The following SYT17 variants were observed in gnomAD, a reference collection of about 807,000 sequenced individuals.
SYT17 encodes the protein synaptotagmin-17.
A neutral mutation model predicts 46.7 loss-of-function variants in SYT17; 22 were observed. The ratio of observed to expected loss-of-function variants is 0.47; its 90% CI spans 0.34 to 0.67. SYT17 has a LOEUF of 0.67. Ranked by LOEUF, SYT17 falls within the 30% of genes least tolerant of loss-of-function variation. The probability of loss-of-function intolerance (pLI) is 0.01; values close to 1 mark genes in which losing one functional copy is unlikely to be tolerated. For missense variants in SYT17, 519 were observed against 612.8 expected (o/e 0.85, Z 1.62); for synonymous variants, 251 against 248.4 (o/e 1.01, Z -0.10).
At chr16:19,221,072 C>T (rs965150366) in intron 5 of SYT17, among the ~76,000 whole-genome samples, 2 of 151,524 alleles carry the variant, frequency 1.3e-5, no homozygotes, top group Non-Finnish European at 1.5e-5. Context: ...TGCCGTAATC[C>T]CAGCTATTCA....
chr16:19,180,453 T>TGACCCCACGGACC lies in SYT17; in HGVS notation c.246_258dup (p.Asn87AspfsTer31), dbSNP rs1490208473. 1 of 1,614,210 alleles carries TGACCCCACGGACC rather than the reference T, an allele frequency of 6.2e-7. No homozygotes were observed. Among genetic ancestry groups the TGACCCCACGGACC allele is most frequent in the South Asian group, 1.1e-5 (1 of 91,086 alleles). ...GTCCACACGGCCAGCGAAGTCCCGC[T>TGACCCCACGGACC]GACCCCACGGACCAATTCCCCGGAT... On this transcript the variant is annotated frameshift_variant, in exon 4 of 8. Transcript: ENST00000355377. LOFTEE classifies it high-confidence loss of function.
chr16:19,239,285 T>A (rs918124531), intron 7 of SYT17, among the ~76,000 whole-genome samples: 4 of 148,630 alleles, frequency 2.7e-5, no homozygotes, highest in Non-Finnish European at 5.9e-5. Flanking sequence ...TCAAAATTAA[T>A]TAATTAATTA....
At chr16:19,210,719 A>G (rs1038761390) in intron 5 of SYT17, among the ~76,000 whole-genome samples, 2 of 152,108 alleles carry the variant, frequency 1.3e-5, no homozygotes, top group African/African-American at 4.8e-5. Flanking sequence ...TTTCTATTTT[A>G]ATGTTGTTTG....
At chr16:19,222,911 C>A in intron 5 of SYT17, 134 bp from the exon 6 acceptor site, 1 of 1,168,928 alleles carries the variant, frequency 8.6e-7, no homozygotes, top group Non-Finnish European at 1.2e-6. Flanking sequence ...AGAAGTCACA[C>A]ACAGAGGCTC....
intron 5 of SYT17, among the ~76,000 whole-genome samples, chr16:19,194,277 G>A (rs1965145348): frequency 6.6e-6 from 1 of 152,144 alleles, no homozygotes; most frequent in East Asian, 1.9e-4. Context: ...ATCTATAGCT[G>A]TCTCCATTCA....
chr16:19,240,442 C>T (rs183727208), intron 7 of SYT17, among the ~76,000 whole-genome samples: 2 of 152,226 alleles, frequency 1.3e-5, no homozygotes, highest in East Asian at 3.9e-4. Flanking sequence ...ATCCAAGTGT[C>T]CAGCTGTCAG....
At chr16:19,233,306 G>T (rs1035594662) in intron 7 of SYT17, among the ~76,000 whole-genome samples, 5 of 152,284 alleles carry the variant, frequency 3.3e-5, no homozygotes, top group African/African-American at 9.6e-5. Flanking sequence ...CAGCATGCCA[G>T]CCTCTTGCTT....
intron 4 of SYT17, 152 bp downstream of exon 4, chr16:19,180,691 G>A (rs2142557941): frequency 1.2e-6 from 1 of 867,524 alleles, no homozygotes; most frequent in Non-Finnish European, 1.8e-6. Flanking sequence ...GATAATGACG[G>A]TGTGACAGAG....
chr16:19,231,541 A>AG (rs915057375), intron 7 of SYT17, among the ~76,000 whole-genome samples: 2 of 150,696 alleles, frequency 1.3e-5, no homozygotes, highest in Admixed American at 6.6e-5. Flanking sequence ...AAAAAAAAAA[A>AG]AAAAAAAAAG....
intron 5 of SYT17, among the ~76,000 whole-genome samples, chr16:19,218,990 A>C (rs1966199286): frequency 2.0e-5 from 3 of 151,816 alleles, no homozygotes; most frequent in Admixed American, 2.0e-4. Flanking sequence ...TACCCCATCC[A>C]CCGACTGAAA....
Position 19,266,995 on chromosome 16 carries a change from C to A in SYT17, c.1344C>A (p.Arg448=). The A allele has an allele frequency of 6.2e-7, 1 of 1,613,550 alleles. No homozygotes were observed. Among genetic ancestry groups the A allele is most frequent in the Non-Finnish European group, 8.5e-7 (1 of 1,179,984 alleles). ...GGAGGCGCATGCTCAACACGCACCG[C>A]ACAGCCGTGGAGCAGTGGCATAGCC... ...NHWRRMLNTH[R]TAVEQWHSLR... is the part of the protein sequence containing the mutation. The change falls in exon 8 of 8, where the codon CGC becomes CGA. Residue 448 remains arginine, a synonymous_variant. Transcript: ENST00000355377.
intron 7 of SYT17, among the ~76,000 whole-genome samples, chr16:19,228,992 A>G (rs1415293767): frequency 1.3e-5 from 2 of 152,174 alleles, no homozygotes; most frequent in East Asian, 1.9e-4. Context: ...TTTGTCTGCA[A>G]TTTTCTATCA....
At chr16:19,218,308 T>C (rs1966172531) in intron 5 of SYT17, among the ~76,000 whole-genome samples, 1 of 152,202 alleles carries the variant, frequency 6.6e-6, no homozygotes, top group Admixed American at 6.5e-5. Flanking sequence ...TTTTACTTTC[T>C]ATCAACTGCT....
chr16:19,185,241 C>T (rs577974293), intron 5 of SYT17, among the ~76,000 whole-genome samples: 2 of 152,030 alleles, frequency 1.3e-5, no homozygotes, highest in East Asian at 1.9e-4. Context: ...GGAACAGGGA[C>T]GGGAGATGGA....
At position 19,252,368 on chromosome 16, in the gene SYT17, T is replaced by C. The variant is rs1313922136; in HGVS notation, c.1229-14512T>C. 1.2e-4 allele frequency among the ~76,000 whole-genome samples: 2 copies of C among 16,360 alleles called. 1 individual carries two copies. The highest frequency in any genetic ancestry group is 1.3e-3 in the African/African-American group (2 of 1,490). 10.7% of individuals were successfully genotyped at this position (16,360 alleles called of 152,430 possible). The stretch of plus-strand genomic sequence containing the variant: ...GTGCTGCCATATACACATATATATA[T>C]ACATATATATACATATATATATATA... On this transcript the variant is annotated intron_variant, in intron 7 of 7. Transcript: ENST00000355377.
At chr16:19,173,399 T>TCCCCCCCCCCCCCCCCCCCCC in intron 2 of SYT17, 31 bp from the exon 3 acceptor site, 3 of 95,540 alleles carry the variant, frequency 3.1e-5, no homozygotes, top group South Asian at 2.3e-4. Flanking sequence ...CTCTCCCCCA[T>TCCCCCCCCCCCCCCCCCCCCC]CCCCCCGCCC....
chr16:19,214,679 G>A (rs1019563103), intron 5 of SYT17, among the ~76,000 whole-genome samples: 22 of 152,294 alleles, frequency 1.4e-4, no homozygotes, highest in African/African-American at 4.8e-4. Context: ...GACCCTGAGT[G>A]TGATGGCAAC....
chr16:19,189,035 C>A (rs1038424581), intron 5 of SYT17, among the ~76,000 whole-genome samples: 1 of 152,088 alleles, frequency 6.6e-6, no homozygotes, highest in Non-Finnish European at 1.5e-5. Context: ...TACAGGCGCC[C>A]ACCACCACGC....
At chr16:19,209,900 AAAC>A (rs1013925535) in intron 5 of SYT17, among the ~76,000 whole-genome samples, 10 of 21,644 alleles carry the variant, frequency 4.6e-4, no homozygotes, top group African/African-American at 1.3e-3. Context: ...AACAAAACAA[AAAC>A]AACAACAACA....
Sources: allele counts gnomAD v4.1 joint callset (sites outside exome capture counted in the v4.1 genomes callset), GRCh38; gene constraint gnomAD v4.1.1; transcripts MANE v1.5; gene names NCBI Gene and HGNC (gene_info 2026-07-23, HGNC 2026-07-21).